Variants in UGT1A7 observed in about 807,000 individuals in gnomAD.
The protein encoded by UGT1A7 is UDP glucuronosyltransferase family 1 member A7.
A neutral mutation model predicts 45.6 loss-of-function variants in UGT1A7; 33 were observed. That is an observed-to-expected ratio of 0.72 (90% confidence interval 0.55 to 0.97). The LOEUF (loss-of-function observed/expected upper bound fraction) is 0.97. Among genes scored for constraint, UGT1A7 ranks in the 50% least tolerant of loss-of-function variants. The pLI, the probability that UGT1A7 is intolerant of heterozygous loss-of-function variation, is 0.00. For synonymous variants in UGT1A7, 274 were observed against 250.6 expected (o/e 1.09, Z -0.88); for missense variants, 684 against 666.2 (o/e 1.03, Z -0.29).
chr2:233,772,189 A>G, intron 4 of UGT1A7, 73 bp from the exon 5 acceptor site: 1 of 1,597,464 alleles, frequency 6.3e-7, no homozygotes, highest in Non-Finnish European at 8.5e-7. Context: ...CTTCTTAAGC[A>G]GCCATGAGCA....
At chr2:233,707,320 C>T (rs2075955377) in intron 1 of UGT1A7, among the ~76,000 whole-genome samples, 1 of 152,246 alleles carries the variant, frequency 6.6e-6, no homozygotes, top group East Asian at 1.9e-4. Flanking sequence ...CATAGCTAAA[C>T]ATGTGCCATG....
intron 1 of UGT1A7, among the ~76,000 whole-genome samples, chr2:233,685,603 T>G (rs2074745747): frequency 1.3e-5 from 2 of 152,212 alleles, no homozygotes; most frequent in South Asian, 4.1e-4. Flanking sequence ...CCTCCAAGAT[T>G]ATTTATTTCA....
intron 1 of UGT1A7, chr2:233,719,725 C>A (rs766716310): frequency 3.7e-5 from 59 of 1,613,632 alleles, no homozygotes; most frequent in Non-Finnish European, 4.7e-5. Context: ...ATGTTCCAGG[C>A]AAAACACTTT....
At chr2:233,743,177 G>A (rs1692221574) in intron 1 of UGT1A7, 2 of 366,924 alleles carry the variant, frequency 5.5e-6, no homozygotes. Context: ...AAAGTCAAAT[G>A]TGGACTGGAA....
chr2:233,735,509 C>A lies in UGT1A7; in HGVS notation c.856-31525C>A, dbSNP rs185084136. Among the ~76,000 whole-genome samples the A allele has an allele frequency of 5.3e-4, 81 of 152,270 alleles. No homozygotes were observed. The East Asian group carries it at 0.013, about 24-fold the overall frequency. On this transcript the variant is annotated intron_variant, in intron 1 of 4. Coordinates refer to ENST00000373426, the MANE Select transcript of UGT1A7 (RefSeq NM_019077.3). ...TTAATTGCAGCATTTAGCCCATTTA[C>A]ATTTAAGGTAAATATTGTTATGAGT...
At chr2:233,727,764 G>A (rs117456176) in intron 1 of UGT1A7, among the ~76,000 whole-genome samples, 2 of 152,186 alleles carry the variant, frequency 1.3e-5, no homozygotes, top group South Asian at 4.1e-4. Context: ...CTTGAGCTGG[G>A]TGTCCCCCAG....
intron 1 of UGT1A7, among the ~76,000 whole-genome samples, chr2:233,757,237 G>A (rs934009312): frequency 2.7e-4 from 40 of 149,716 alleles, no homozygotes; most frequent in African/African-American, 9.6e-4. Flanking sequence ...CAGAAGTGGT[G>A]GTGAGGTGGG....
At chr2:233,713,744 T>C (rs137952543) in intron 1 of UGT1A7, 2 of 1,613,956 alleles carry the variant, frequency 1.2e-6, no homozygotes, top group African/African-American at 1.3e-5. Flanking sequence ...TTGTCAGCCA[T>C]GCATCTGTGT....
At chr2:233,770,978 T>C (rs1192605361) in intron 4 of UGT1A7, 1 of 152,076 alleles carries the variant, frequency 6.6e-6, no homozygotes, top group Non-Finnish European at 1.5e-5. Flanking sequence ...CAGAAGGCAA[T>C]GCGGGAGCTT....
chr2:233,760,580 A>G, intron 1 of UGT1A7: 1 of 1,614,212 alleles, frequency 6.2e-7, no homozygotes, highest in Non-Finnish European at 8.5e-7. Context: ...CTCGGGCATA[A>G]TGTTTTTGAG....
intron 1 of UGT1A7, among the ~76,000 whole-genome samples, chr2:233,764,955 T>G (rs891211439): frequency 6.6e-6 from 1 of 151,792 alleles, no homozygotes; most frequent in Non-Finnish European, 1.5e-5. Flanking sequence ...GAGAGAGGGC[T>G]CACCTTGGGA....
At chr2:233,740,325 T>C (rs1691364696) in intron 1 of UGT1A7, among the ~76,000 whole-genome samples, 1 of 151,932 alleles carries the variant, frequency 6.6e-6, no homozygotes, top group Non-Finnish European at 1.5e-5. Context: ...AATCTGCATT[T>C]ATTGAGAAAG....
intron 1 of UGT1A7, among the ~76,000 whole-genome samples, chr2:233,765,695 A>G (rs1698910486): frequency 6.9e-6 from 1 of 145,802 alleles, no homozygotes; most frequent in African/African-American, 2.7e-5. Flanking sequence ...CTTCAAGTAA[A>G]TAATAATAAT....
chr2:233,693,547 A>G (rs765072328), intron 1 of UGT1A7: 1 of 1,614,164 alleles, frequency 6.2e-7, no homozygotes, highest in East Asian at 2.2e-5. Flanking sequence ...TGGAGCATAC[A>G]TTCAGCAGAA....
chr2:233,729,290 G>A, intron 1 of UGT1A7: 1 of 1,614,236 alleles, frequency 6.2e-7, no homozygotes, highest in Admixed American at 1.7e-5. Context: ...CATGCCAGAG[G>A]CCACCAGGCA....
intron 1 of UGT1A7, among the ~76,000 whole-genome samples, chr2:233,700,404 A>G (rs1297317777): frequency 6.6e-6 from 1 of 152,178 alleles, no homozygotes; most frequent in Non-Finnish European, 1.5e-5. Context: ...TTTTGGCAGC[A>G]GTGTTTCTGT....
chr2:233,698,952 C>G (rs990930969), intron 1 of UGT1A7, among the ~76,000 whole-genome samples: 4 of 152,240 alleles, frequency 2.6e-5, no homozygotes, highest in Non-Finnish European at 5.9e-5. Flanking sequence ...TCTGTCCAAG[C>G]TGGCCCTTGG....
chr2:233,771,327 C>T (rs1000719908), intron 4 of UGT1A7: 1 of 152,118 alleles, frequency 6.6e-6, no homozygotes, highest in African/African-American at 2.4e-5. Context: ...TCTTCAATCT[C>T]CTCTTCATTC....
Position 233,719,305 on chromosome 2 carries a change from C to T in UGT1A7, c.855+36513C>T, listed in dbSNP as rs149960993. 1.9e-6 allele frequency: 3 copies of T among 1,613,868 alleles called. No individual in the cohort carries two copies. The African/African-American group carries it at 4.0e-5, about 22-fold the overall frequency. ...GTTAACCTCTGTGGGGCGGTGCTGG[C>T]TAAGTACCTGTCGATTCCTGCTGTG... On this transcript the variant is annotated intron_variant, in intron 1 of 4. Coordinates refer to ENST00000373426, the MANE Select transcript of UGT1A7 (RefSeq NM_019077.3).
Sources: allele counts gnomAD v4.1 joint callset (sites outside exome capture counted in the v4.1 genomes callset), GRCh38; gene constraint gnomAD v4.1.1; transcripts MANE v1.5; gene names NCBI Gene and HGNC (gene_info 2026-07-23, HGNC 2026-07-21).